Variants in TUT4 observed in about 807,000 individuals in gnomAD.
TUT4 encodes terminal uridylyl transferase 4.
A neutral mutation model predicts 192.2 loss-of-function variants in TUT4; 36 were observed. That is an observed-to-expected ratio of 0.19 (90% CI 0.14 to 0.25). The LOEUF is 0.25. Among genes scored for constraint, TUT4 ranks in the 10% least tolerant of loss-of-function variants. TUT4 has a pLI of 1.00. For missense variants in TUT4, 1,493 were observed against 1,957.2 expected (o/e 0.76, Z 4.47); for synonymous variants, 618 against 666.0 (o/e 0.93, Z 1.11).
chr1:52,431,367 A>G lies in TUT4; in HGVS notation c.4357T>C (p.Ser1453Pro). The G allele has an allele frequency of 6.2e-7, 1 of 1,614,136 alleles. No individual in the cohort carries two copies. The highest frequency in any genetic ancestry group is 8.5e-7 in the Non-Finnish European group (1 of 1,180,016). ...TGAGGTGGGCCAAGCTTAGGTTGGG[A>G]TCCTGGCTGAGATGAAGGCTGAGTA... ...AITQPSSQPG[S>P]QPKLGPPQQG... The change falls in exon 28 of 30, where the codon TCC (serine) becomes CCC (proline). Residue 1453 changes from serine (S) to proline (P), a missense_variant. Coordinates refer to ENST00000257177, the MANE Select transcript of TUT4 (RefSeq NM_001009881.3).
At chr1:52,457,313 G>A (rs1277808737) in intron 20 of TUT4, among the ~76,000 whole-genome samples, 1 of 150,416 alleles carries the variant, frequency 6.6e-6, no homozygotes, top group Non-Finnish European at 1.5e-5. Context: ...TCAGTTCACT[G>A]CAACCTCTGC....
intron 2 of TUT4, among the ~76,000 whole-genome samples, chr1:52,519,359 G>T (rs1178720974): frequency 6.6e-6 from 1 of 152,130 alleles, no homozygotes; most frequent in Non-Finnish European, 1.5e-5. Flanking sequence ...TCAGTGGGGA[G>T]GAGGAGCGGG....
At chr1:52,469,606 A>G (rs1665136771) in intron 14 of TUT4, among the ~76,000 whole-genome samples, 1 of 152,142 alleles carries the variant, frequency 6.6e-6, no homozygotes, top group Non-Finnish European at 1.5e-5. Context: ...ATGGCTACAT[A>G]CAGGCTGTGC....
intron 14 of TUT4, 137 bp downstream of exon 14, chr1:52,471,815 A>G: frequency 1.2e-6 from 1 of 868,086 alleles, no homozygotes. Context: ...GTCATTTAGT[A>G]AATATCTGTG....
intron 4 of TUT4, among the ~76,000 whole-genome samples, chr1:52,501,967 T>C (rs745843833): frequency 1.3e-5 from 2 of 152,066 alleles, no homozygotes; most frequent in Non-Finnish European, 2.9e-5. Flanking sequence ...TGGGGAGTTA[T>C]TGCTTAATGG....
At position 52,423,415 on chromosome 1, in the gene TUT4, T is replaced by G. The variant is rs1219102604; in HGVS notation, c.*520A>C. 6.5e-6 allele frequency: 1 copy of G among 153,826 alleles called. No homozygotes were observed. The highest frequency in any genetic ancestry group is 6.5e-5 in the Admixed American group (1 of 15,410). 9.5% of individuals were successfully genotyped at this position (153,826 alleles called of 1,614,324 possible). ...AATCTGAATCTTCATGTTGTAATTT[T>G]ATTTTATTTTTTTACCTTTTAAAAA... is the stretch of plus-strand genomic sequence containing the variant. On this transcript the variant is annotated 3_prime_UTR_variant, in exon 30 of 30. Coordinates refer to ENST00000257177, the MANE Select transcript of TUT4 (RefSeq NM_001009881.3).
At position 52,481,607 on chromosome 1, in the gene TUT4, T is replaced by C. The variant is rs754508093; in HGVS notation, c.1664A>G (p.Asp555Gly). 1 of 1,613,340 alleles carries C rather than the reference T, an allele frequency of 6.2e-7. No individual in the cohort carries two copies. The highest frequency in any genetic ancestry group is 8.5e-7 in the Non-Finnish European group (1 of 1,179,886). Residue 555 changes from aspartate to glycine, a missense_variant, in exon 11 of 30, where the codon GAT becomes GGT. Physicochemically the swap from Asp to Gly is moderately conservative, Grantham distance 94. Transcript: ENST00000257177. ...TACTATGCCCTTCAGCTGAAAGTCA[T>C]CCATTCTTTTTGGGTCAAAGCCTTC... ...WIEGFDPKRMDDFQLKGIVEE... is the reference protein window; with the variant it reads ...WIEGFDPKRMGDFQLKGIVEE...
Position 52,509,645 on chromosome 1 carries a change from T to C in TUT4, c.950A>G (p.Gln317Arg), listed in dbSNP as rs141283564. Residue 317 changes from glutamine (Q) to arginine (R), a missense_variant, in exon 4 of 30, where the codon CAG (glutamine) becomes CGG (arginine). By Grantham distance (43) the Gln-to-Arg change is conservative. Transcript: ENST00000257177. ...KLCLIHIENI[Q>R]GAHKHIKEKR... ...CTCCTTTATATGTTTATGAGCCCCC[T>C]GGATATTTTCAATGTGAATTAAGCA... The C allele has an allele frequency of 6.2e-7, 1 of 1,611,352 alleles. No individual in the cohort carries two copies. Among genetic ancestry groups the C allele is most frequent in the Non-Finnish European group, 8.5e-7 (1 of 1,177,958 alleles).
intron 1 of TUT4, among the ~76,000 whole-genome samples, chr1:52,543,276 C>T (rs1687202889): frequency 6.6e-6 from 1 of 152,018 alleles, no homozygotes; most frequent in African/African-American, 2.4e-5. Flanking sequence ...CACGAAAAAC[C>T]AGCTGCATTT....
intron 9 of TUT4, among the ~76,000 whole-genome samples, chr1:52,483,974 G>A (rs546123797): frequency 5.9e-5 from 9 of 152,116 alleles, no homozygotes; most frequent in Admixed American, 2.0e-4. Flanking sequence ...CAAGACCTCC[G>A]TCTCTAAAAA....
chr1:52,477,556 G>T, intron 12 of TUT4, 152 bp downstream of exon 12: 1 of 756,580 alleles, frequency 1.3e-6, no homozygotes, highest in Non-Finnish European at 2.0e-6. Flanking sequence ...AACAGGGCAA[G>T]ACCCTGTCTC....
rs147460268 is a variant in TUT4, at chr1:52,451,829, T to C, written c.3436-5162A>G. Among the ~76,000 whole-genome samples the C allele has an allele frequency of 1.3e-3, 183 of 142,768 alleles. 1 individual carries two copies. Among genetic ancestry groups the C allele is most frequent in the African/African-American group, 4.4e-3 (169 of 38,126 alleles). The allele number at this position is 142,768 out of a possible 152,430, so 93.7% of individuals were successfully genotyped here. A position where few individuals can be genotyped will look rare whatever the true frequency, so the allele number is the denominator to read the frequency against. On this transcript the variant is annotated intron_variant, in intron 20 of 29. Coordinates refer to ENST00000257177, the MANE Select transcript of TUT4 (RefSeq NM_001009881.3). ...CTGTACTCCAGCCTGGGCAACAGAG[T>C]GAGATTCCATCTCAAAAAAAAAAAA...
At chr1:52,506,048 C>T (rs1557881247) in intron 4 of TUT4, among the ~76,000 whole-genome samples, 1 of 151,980 alleles carries the variant, frequency 6.6e-6, no homozygotes, top group African/African-American at 2.4e-5. Flanking sequence ...GAACTCCTAA[C>T]CTCAGGTGAT....
intron 4 of TUT4, among the ~76,000 whole-genome samples, chr1:52,505,017 G>A (rs1398647907): frequency 1.3e-5 from 2 of 152,132 alleles, no homozygotes; most frequent in Non-Finnish European, 2.9e-5. Context: ...ACTAGCTATT[G>A]TGAATAATGT....
intron 9 of TUT4, among the ~76,000 whole-genome samples, chr1:52,484,813 G>T (rs1669386310): frequency 6.6e-6 from 1 of 152,100 alleles, no homozygotes; most frequent in African/African-American, 2.4e-5. Flanking sequence ...TCCCACCTTG[G>T]AAGCTTTGGA....
intron 15 of TUT4, 110 bp downstream of exon 15, chr1:52,468,071 A>C: frequency 1.3e-6 from 1 of 781,668 alleles, no homozygotes; most frequent in Non-Finnish European, 2.0e-6. Context: ...ATTCCCAGCA[A>C]CTAGAACAGT....
chr1:52,479,226 C>T (rs1420254345), intron 11 of TUT4, among the ~76,000 whole-genome samples: 1 of 152,004 alleles, frequency 6.6e-6, no homozygotes, highest in Non-Finnish European at 1.5e-5. Flanking sequence ...AAGCAAAGAG[C>T]CAGGAAGGGC....
At chr1:52,461,932 A>G in intron 16 of TUT4, 163 bp from the exon 17 acceptor site, 2 of 470,232 alleles carry the variant, frequency 4.3e-6, no homozygotes, top group South Asian at 3.1e-5. Flanking sequence ...GTATCAGCAT[A>G]ATCTGGAAAC....
At position 52,481,529 on chromosome 1, in the gene TUT4, T is replaced by G; in HGVS notation, c.1742A>C (p.Asn581Thr). Residue 581 changes from asparagine (N) to threonine (T), a missense_variant, in exon 11 of 30, where the codon AAC (asparagine) becomes ACC (threonine). By Grantham distance (65) the Asn-to-Thr change is moderately conservative. Transcript: ENST00000257177. ...ECNSSSATEK[N>T]SIAEENKAKA... ...AGCTTTGTTTTCCTCAGCAATTGAG[T>G]TTTTCTCAGTTGCACTACTTGAATT... 1 of 1,613,874 alleles carries G rather than the reference T, an allele frequency of 6.2e-7. No individual in the cohort carries two copies. The highest frequency in any genetic ancestry group is 8.5e-7 in the Non-Finnish European group (1 of 1,179,954).
Sources: allele counts gnomAD v4.1 joint callset (sites outside exome capture counted in the v4.1 genomes callset), GRCh38; gene constraint gnomAD v4.1.1; transcripts MANE v1.5; gene names NCBI Gene and HGNC (gene_info 2026-07-23, HGNC 2026-07-21).